The following RANBP17 variants were observed in gnomAD, a reference collection of about 807,000 sequenced individuals.
RANBP17 encodes ran-binding protein 17.
RANBP17 carries 158 observed loss-of-function variants against 141.2 expected under a neutral mutation model. The observed-to-expected ratio is 1.12, with a 90% CI of 0.98 to 1.28. RANBP17 has a LOEUF of 1.28. RANBP17 is among the 50% of genes most tolerant of loss of function. The pLI, the probability that RANBP17 is intolerant of heterozygous loss-of-function variation, is 0.00. For synonymous variants in RANBP17, 430 were observed against 450.0 expected (o/e 0.96, Z 0.56); for missense variants, 1,438 against 1,290.7 (o/e 1.11, Z -1.75).
intron 14 of RANBP17, among the ~76,000 whole-genome samples, chr5:171,077,910 T>C (rs1219930305): frequency 6.6e-6 from 1 of 152,140 alleles, no homozygotes; most frequent in African/African-American, 2.4e-5. Flanking sequence ...CTCTATTCAC[T>C]TCTATGAAGA....
chr5:171,065,798 C>T (rs761866859), intron 14 of RANBP17, among the ~76,000 whole-genome samples: 8 of 151,890 alleles, frequency 5.3e-5, no homozygotes, highest in South Asian at 2.1e-4. Context: ...GTAGTTCTAC[C>T]CTGCCTCCTT....
chr5:171,283,771 A>G (rs1432094062), intron 25 of RANBP17, among the ~76,000 whole-genome samples: 1 of 152,194 alleles, frequency 6.6e-6, no homozygotes, highest in Non-Finnish European at 1.5e-5. Flanking sequence ...TGTATTATTC[A>G]GTAATAAACT....
chr5:171,160,658 T>C (rs1203466195), intron 14 of RANBP17, among the ~76,000 whole-genome samples: 1 of 152,208 alleles, frequency 6.6e-6, no homozygotes, highest in Non-Finnish European at 1.5e-5. Flanking sequence ...TATTTTGTGA[T>C]ATTATACTTT....
At chr5:171,090,060 C>G (rs1166541308) in intron 14 of RANBP17, among the ~76,000 whole-genome samples, 1 of 152,030 alleles carries the variant, frequency 6.6e-6, no homozygotes, top group Admixed American at 6.5e-5. Flanking sequence ...AAAAGAGACC[C>G]GAAAATATGG....
chr5:171,068,027 C>T (rs1188969967), intron 14 of RANBP17, among the ~76,000 whole-genome samples: 1 of 151,926 alleles, frequency 6.6e-6, no homozygotes, highest in Non-Finnish European at 1.5e-5. Flanking sequence ...AGTTGGTATG[C>T]TTGATCATTT....
At chr5:170,993,859 A>C (rs13173161) in intron 14 of RANBP17, among the ~76,000 whole-genome samples, 1 of 152,054 alleles carries the variant, frequency 6.6e-6, no homozygotes, top group Non-Finnish European at 1.5e-5. Flanking sequence ...GACTCTTGCA[A>C]ACAGAATTTA....
intron 1 of RANBP17, chr5:170,863,554 G>GT (rs1281430314): frequency 6.6e-6 from 1 of 152,156 alleles, no homozygotes; most frequent in Non-Finnish European, 1.5e-5. Flanking sequence ...TCAAAATAAT[G>GT]TATTACCACT....
intron 10 of RANBP17, 91 bp from the exon 11 acceptor site, chr5:170,919,350 T>C: frequency 3.3e-6 from 3 of 919,662 alleles, no homozygotes; most frequent in East Asian, 2.8e-5. Flanking sequence ...TAAAAGTTAA[T>C]TTAAAAATGT....
At chr5:171,165,469 C>T (rs1379510628) in intron 14 of RANBP17, among the ~76,000 whole-genome samples, 4 of 152,070 alleles carry the variant, frequency 2.6e-5, no homozygotes, top group African/African-American at 4.8e-5. Context: ...TGAGCCACCG[C>T]GCCCAGCCTA....
intron 3 of RANBP17, among the ~76,000 whole-genome samples, chr5:170,883,290 T>C (rs773018143): frequency 7.3e-4 from 111 of 152,366 alleles, no homozygotes; most frequent in Admixed American, 5.2e-4. Context: ...CTTAATTTTT[T>C]TAGAGCAGTT....
chr5:170,998,899 C>A (rs1779013966), intron 14 of RANBP17, among the ~76,000 whole-genome samples: 1 of 151,894 alleles, frequency 6.6e-6, no homozygotes. Flanking sequence ...GATAGATGAT[C>A]ACATTTTAGG....
intron 25 of RANBP17, among the ~76,000 whole-genome samples, chr5:171,281,591 A>C (rs566516571): frequency 6.6e-6 from 1 of 152,266 alleles, no homozygotes; most frequent in South Asian, 2.1e-4. Flanking sequence ...GGTGCTTGAC[A>C]CACAGTAGGA....
intron 5 of RANBP17, among the ~76,000 whole-genome samples, chr5:170,906,270 C>A (rs1453902564): frequency 6.6e-6 from 1 of 151,996 alleles, no homozygotes; most frequent in African/African-American, 2.4e-5. Flanking sequence ...TTATTAGTTT[C>A]CTTCAATCTG....
chr5:171,087,901 A>G (rs1373232870), intron 14 of RANBP17, among the ~76,000 whole-genome samples: 9 of 152,160 alleles, frequency 5.9e-5, no homozygotes, highest in East Asian at 3.9e-4. Context: ...ACACTGATGG[A>G]TCTTGACTCT....
intron 14 of RANBP17, among the ~76,000 whole-genome samples, chr5:171,013,236 C>G (rs909195541): frequency 4.6e-5 from 7 of 152,158 alleles, no homozygotes; most frequent in African/African-American, 1.7e-4. Context: ...GCCCAAACTG[C>G]TGCTTTCAGC....
chr5:171,148,015 A>G (rs1168063127), intron 14 of RANBP17, among the ~76,000 whole-genome samples: 2 of 152,134 alleles, frequency 1.3e-5, no homozygotes, highest in Non-Finnish European at 2.9e-5. Context: ...AGAAGTAGAC[A>G]TGGGAGACTT....
At chr5:170,871,290 G>A (rs1210487424) in intron 1 of RANBP17, among the ~76,000 whole-genome samples, 5 of 102,986 alleles carry the variant, frequency 4.9e-5, no homozygotes, top group African/African-American at 1.4e-4. Context: ...CTCATGATCC[G>A]CCTGCCTCTG....
At chr5:170,941,048 A>G (rs1282423479) in intron 12 of RANBP17, among the ~76,000 whole-genome samples, 2 of 152,186 alleles carry the variant, frequency 1.3e-5, no homozygotes, top group Non-Finnish European at 2.9e-5. Context: ...CTTGAGGAAA[A>G]TTTTAAAATA....
intron 16 of RANBP17, among the ~76,000 whole-genome samples, chr5:171,175,190 A>T (rs569322288): frequency 6.6e-6 from 1 of 152,118 alleles, no homozygotes. Context: ...TTCTTTATCC[A>T]GTCTATCATT....
Sources: allele counts gnomAD v4.1 joint callset (sites outside exome capture counted in the v4.1 genomes callset), GRCh38; gene constraint gnomAD v4.1.1; transcripts MANE v1.5; gene names NCBI Gene and HGNC (gene_info 2026-07-23, HGNC 2026-07-21).